Variants in USP30 observed in about 807,000 individuals in gnomAD.
USP30 encodes ubiquitin carboxyl-terminal hydrolase 30.
A neutral mutation model predicts 68.2 loss-of-function variants in USP30; 41 were observed. The ratio of observed to expected loss-of-function variants is 0.60; its 90% CI spans 0.47 to 0.78. The LOEUF is 0.78. Ranked by LOEUF, USP30 falls within the 30% of genes least tolerant of loss-of-function variation. The pLI is 0.00. For missense variants in USP30, 522 were observed against 649.4 expected (o/e 0.80, Z 2.13); for synonymous variants, 229 against 253.7 (o/e 0.90, Z 0.93).
chr12:109,046,422 T>C (rs1372332523), intron 3 of USP30, among the ~76,000 whole-genome samples: 2 of 151,812 alleles, frequency 1.3e-5, no homozygotes, highest in African/African-American at 2.4e-5. Flanking sequence ...CCAGTCTTTT[T>C]TTTTTTTTCT....
chr12:109,085,651 T>G lies in USP30; in HGVS notation c.1290-16T>G. On this transcript the variant is annotated splice_polypyrimidine_tract_variant and intron_variant, in intron 12 of 12. Transcript: ENST00000257548. ...GTTAAAATTGTAAACCCCTGACATG[T>G]GTTCGTATCATTCAGCTCCTCCACA... 6.2e-7 allele frequency: 1 copy of G among 1,612,598 alleles called. No homozygotes were observed. The highest frequency in any genetic ancestry group is 8.5e-7 in the Non-Finnish European group (1 of 1,178,802).
Position 109,070,444 on chromosome 12 carries a change from G to A in USP30, c.481-1168G>A, listed in dbSNP as rs138009323. Among the ~76,000 whole-genome samples the A allele has an allele frequency of 3.0e-4, 45 of 152,268 alleles. No individual in the cohort carries two copies. The highest frequency in any genetic ancestry group is 8.7e-4 in the African/African-American group (36 of 41,554). On this transcript the variant is annotated intron_variant, in intron 4 of 12. Coordinates refer to ENST00000257548, the MANE Select transcript of USP30 (RefSeq NM_032663.5). This position sits in a 1 kb window ranked among gnomAD's most constrained non-coding sequence, Gnocchi z 4.0. ...CCGTGCGAAGGTCTGAGCACAGCCC[G>A]AAATGGGAATAAGCTGGATATGTTC... is the stretch of plus-strand genomic sequence containing the variant.
rs144599763 is a variant in USP30, at chr12:109,040,661, C to T, written c.-135-6929C>T. On this transcript the variant is annotated intron_variant, in intron 3 of 15. Transcript: ENST00000392784. ...ATCCACTTTCAAGATGGTGCACTCA[C>T]GTGATTGGCAAGTTGGTAATGGCTG... Among the ~76,000 whole-genome samples the T allele has an allele frequency of 3.3e-4, 50 of 152,246 alleles. 1 individual carries two copies. The East Asian group carries it at 8.1e-3, about 25-fold the overall frequency.
intron 3 of USP30, chr12:109,060,087 C>T (rs1295684607): frequency 1.3e-5 from 2 of 152,074 alleles, no homozygotes; most frequent in Admixed American, 6.6e-5. Flanking sequence ...ATAAAGTAAT[C>T]GATGGCATAC....
intron 7 of USP30, among the ~76,000 whole-genome samples, chr12:109,075,841 C>CTTTTTTTT (rs34221615): frequency 1.2e-4 from 14 of 119,688 alleles, no homozygotes; most frequent in African/African-American, 3.0e-4. Flanking sequence ...GTTACTTTTT[C>CTTTTTTTT]TTTTTTTTTT....
Position 109,056,674 on chromosome 12 carries a change from T to G in USP30, c.84-8T>G. On this transcript the variant is annotated splice_region_variant and splice_polypyrimidine_tract_variant and intron_variant, in intron 1 of 12. Coordinates refer to ENST00000257548, the MANE Select transcript of USP30 (RefSeq NM_032663.5). ...GAGGGAAGACAGTAAACTTGTTTTC[T>G]TTTTTAGATATAAAGTCATGAAGAA... 6.3e-7 allele frequency: 1 copy of G among 1,598,194 alleles called. No individual in the cohort carries two copies. The highest frequency in any genetic ancestry group is 1.3e-5 in the African/African-American group (1 of 74,082).
chr12:109,084,812 TATGA>T, intron 11 of USP30, 137 bp from the exon 12 acceptor site: 1 of 968,048 alleles, frequency 1.0e-6, no homozygotes, highest in Non-Finnish European at 1.4e-6. Context: ...CAGATTATTT[TATGA>T]ATCTATATAA....
chr12:109,050,634 C>G (rs926475716), upstream of USP30, among the ~76,000 whole-genome samples: 3 of 152,146 alleles, frequency 2.0e-5, no homozygotes, highest in Non-Finnish European at 2.9e-5. Context: ...CTGTCCAATA[C>G]GGTAGCTGCT....
At chr12:109,071,535 G>A (rs1172780651) in intron 4 of USP30, 77 bp from the exon 5 acceptor site, 28 of 1,205,692 alleles carry the variant, frequency 2.3e-5, no homozygotes, top group Middle Eastern at 1.9e-4. Flanking sequence ...ACTGTAGGGT[G>A]TCTGCCCGAG....
At chr12:109,084,387 C>T (rs1488624235) in intron 11 of USP30, among the ~76,000 whole-genome samples, 1 of 152,150 alleles carries the variant, frequency 6.6e-6, no homozygotes, top group Non-Finnish European at 1.5e-5. Context: ...TAGAAGCTGA[C>T]AGAATTAAAG....
chr12:109,035,188 T>C (rs1248571637), intron 3 of USP30, among the ~76,000 whole-genome samples: 1 of 152,100 alleles, frequency 6.6e-6, no homozygotes, highest in Non-Finnish European at 1.5e-5. Flanking sequence ...GTCATGTCTT[T>C]TTTGCTCCTC....
chr12:109,067,564 T>A lies in USP30; in HGVS notation c.417T>A (p.Asp139Glu), dbSNP rs1316553849. Reference protein sequence around the residue: ...CQEVTDDEVLDASCLLDVLRM... With the variant: ...CQEVTDDEVLEASCLLDVLRM... Reference sequence around the variant, plus strand: ...AAGTTACTGATGATGAGGTCTTAGATGCAAGCTGCTTGTTGGATGTCTTAA... The same window carrying A: ...AAGTTACTGATGATGAGGTCTTAGAAGCAAGCTGCTTGTTGGATGTCTTAA... Residue 139 changes from aspartate to glutamate, a missense_variant, in exon 4 of 13, where the codon GAT becomes GAA. By Grantham distance (45) the Asp-to-Glu change is conservative. Coordinates refer to ENST00000257548, the MANE Select transcript of USP30 (RefSeq NM_032663.5). 5 of 1,614,218 alleles carry A rather than the reference T, an allele frequency of 3.1e-6. No individual in the cohort carries two copies. The South Asian group carries it at 5.5e-5, about 18-fold the overall frequency.
chr12:109,066,163 G>A (rs923287171), intron 3 of USP30, among the ~76,000 whole-genome samples: 2 of 148,840 alleles, frequency 1.3e-5, no homozygotes, highest in East Asian at 4.1e-4. Flanking sequence ...AAGATGGGAG[G>A]ATTGCTTGGG....
chr12:109,033,424 G>C (rs1264085521), intron 3 of USP30, among the ~76,000 whole-genome samples: 1 of 152,174 alleles, frequency 6.6e-6, no homozygotes, highest in Non-Finnish European at 1.5e-5. Context: ...TAGTCTTCGA[G>C]TCACAGCAGG....
intron 3 of USP30, among the ~76,000 whole-genome samples, chr12:109,035,642 G>A (rs113932805): frequency 1.3e-3 from 194 of 152,224 alleles, no homozygotes; most frequent in African/African-American, 4.0e-3. Context: ...GATTACAGGC[G>A]TGAGCCACCA....
In USP30 at chr12:109,070,578, A is replaced by G. The variant is rs1453351374; in HGVS notation, c.481-1034A>G. ...TAGTAGTGGAAGCCATTGGAAAGCT[A>G]AAAGCAGAAGAGTAAAGCTATCTGC... On this transcript the variant is annotated intron_variant, in intron 4 of 12. Coordinates refer to ENST00000257548, the MANE Select transcript of USP30 (RefSeq NM_032663.5). This position sits in a 1 kb window ranked among gnomAD's most constrained non-coding sequence, Gnocchi z 4.0. Among the ~76,000 whole-genome samples, 1 of 152,202 alleles carries G rather than the reference A, an allele frequency of 6.6e-6. No individual in the cohort carries two copies. Among genetic ancestry groups the G allele is most frequent in the East Asian group, 1.9e-4 (1 of 5,196 alleles).
chr12:109,061,685 C>T (rs10850589), intron 3 of USP30, among the ~76,000 whole-genome samples: 76,493 of 151,878 alleles, frequency 0.5, 21,659 homozygotes, highest in East Asian at 0.82. Flanking sequence ...GCTGGGATTG[C>T]GGACATGAGC....
At chr12:109,072,039 C>A (rs1006270902) in intron 5 of USP30, among the ~76,000 whole-genome samples, 6 of 152,090 alleles carry the variant, frequency 3.9e-5, no homozygotes, top group Non-Finnish European at 5.9e-5. Context: ...GTATAAATAT[C>A]GGAGGAGTTG....
chr12:109,066,125 G>T (rs978537912), intron 3 of USP30, among the ~76,000 whole-genome samples: 1 of 151,932 alleles, frequency 6.6e-6, no homozygotes, highest in Non-Finnish European at 1.5e-5. Flanking sequence ...AAGGACATGT[G>T]CCTGTAGTCC....
Sources: allele counts gnomAD v4.1 joint callset (sites outside exome capture counted in the v4.1 genomes callset), GRCh38; gene constraint gnomAD v4.1.1; non-coding constraint Gnocchi (gnomAD v3.1); transcripts MANE v1.5; gene names NCBI Gene and HGNC (gene_info 2026-07-23, HGNC 2026-07-21).